SNAP91: variants seen among roughly 807,000 people sequenced by gnomAD.
SNAP91 encodes clathrin coat assembly protein AP180.
A neutral mutation model predicts 100.3 loss-of-function variants in SNAP91; 27 were observed. The observed-to-expected ratio is 0.27, with a 90% CI of 0.20 to 0.37. SNAP91 has a LOEUF of 0.37. Among genes scored for constraint, SNAP91 ranks in the 10% least tolerant of loss-of-function variants. The pLI, the probability that SNAP91 is intolerant of heterozygous loss-of-function variation, is 1.00. For missense variants in SNAP91, 986 were observed against 1,123.7 expected, an observed-to-expected ratio of 0.88 and a Z score of 1.75; for synonymous variants, 404 against 398.6, an observed-to-expected ratio of 1.01 and a Z score of -0.16.
At chr6:83,703,165 T>G (rs1192321040) in intron 2 of SNAP91, among the ~76,000 whole-genome samples, 1 of 151,802 alleles carries the variant, frequency 6.6e-6, no homozygotes, top group Admixed American at 6.6e-5. Flanking sequence ...TGTGTTTTTT[T>G]TTTTTTTTTA....
At position 83,607,812 on chromosome 6, in the gene SNAP91, A is replaced by C; in HGVS notation, c.913-4T>G. 4.5e-6 allele frequency: 7 copies of C among 1,556,218 alleles called. No individual in the cohort carries two copies. Among genetic ancestry groups the C allele is most frequent in the Non-Finnish European group, 6.1e-6 (7 of 1,142,928 alleles). On this transcript the variant is annotated splice_polypyrimidine_tract_variant and splice_region_variant and intron_variant, in intron 12 of 29. Coordinates refer to ENST00000369694, the MANE Select transcript of SNAP91 (RefSeq NM_001242792.2). ...TAACAGTTGTGGCTGGAGAAGACTGAAAGTGAAGATGCACAACACACTTGA... is the reference window on the plus strand; with the variant it reads ...TAACAGTTGTGGCTGGAGAAGACTGCAAGTGAAGATGCACAACACACTTGA...
At chr6:83,556,621 G>A (rs1779302561) in intron 28 of SNAP91, among the ~76,000 whole-genome samples, 1 of 152,058 alleles carries the variant, frequency 6.6e-6, no homozygotes, top group African/African-American at 2.4e-5. Context: ...TATGACTTAG[G>A]GAAGATGTGA....
At chr6:83,612,525 A>G (rs2096202419) in intron 11 of SNAP91, among the ~76,000 whole-genome samples, 1 of 152,176 alleles carries the variant, frequency 6.6e-6, no homozygotes, top group Non-Finnish European at 1.5e-5. Context: ...TTCTCTCTCA[A>G]GCAATTTTCA....
In SNAP91 at chr6:83,605,830, C is replaced by A. The variant is rs991113830; in HGVS notation, c.1023-27G>T. ...TGAAAGGAAAATAAAACATTAAAAT[C>A]AGATTTTGAAATTTTATAACATAAA... On this transcript the variant is annotated intron_variant, in intron 13 of 29. Transcript: ENST00000369694. 6.0e-6 allele frequency: 9 copies of A among 1,504,950 alleles called. No individual in the cohort carries two copies. The African/African-American group carries it at 1.1e-4, about 19-fold the overall frequency. 93.2% of individuals were successfully genotyped at this position (1,504,950 alleles called of 1,614,324 possible). A position where few individuals can be genotyped will look rare whatever the true frequency, so the allele number is the denominator to read the frequency against.
At chr6:83,658,964 A>C in intron 6 of SNAP91, 35 bp downstream of exon 6, 1 of 1,458,020 alleles carries the variant, frequency 6.9e-7, no homozygotes, top group Non-Finnish European at 9.4e-7. Flanking sequence ...GACAACATTG[A>C]TTGTGTATGA....
chr6:83,617,762 T>C (rs902630698), intron 9 of SNAP91, among the ~76,000 whole-genome samples: 9 of 151,890 alleles, frequency 5.9e-5, no homozygotes, highest in African/African-American at 1.9e-4. Flanking sequence ...CATTTCACTG[T>C]ATACTTAAGG....
rs115032348 is a variant in SNAP91 at position 83,669,154 on chromosome 6, T to A, written c.131-3573A>T. Among the ~76,000 whole-genome samples, 529 of 152,196 alleles carry A rather than the reference T, an allele frequency of 3.5e-3. 3 individuals are homozygous for A. Among genetic ancestry groups the A allele is most frequent in the African/African-American group, 0.012 (486 of 41,540 alleles). On this transcript the variant is annotated intron_variant, in intron 2 of 29. Transcript: ENST00000369694. ...TGAAAACTCAGAGGTCGAACCATCA[T>A]AGGTCATGGCCATCTGTATACCTAG...
intron 14 of SNAP91, among the ~76,000 whole-genome samples, chr6:83,605,005 C>A (rs1211568415): frequency 6.6e-6 from 1 of 152,102 alleles, no homozygotes; most frequent in East Asian, 1.9e-4. Flanking sequence ...AAAACCAACT[C>A]TTTGCAGCTT....
intron 24 of SNAP91, among the ~76,000 whole-genome samples, chr6:83,577,926 G>A (rs1054549030): frequency 6.6e-6 from 1 of 151,986 alleles, no homozygotes; most frequent in Admixed American, 6.6e-5. Context: ...CTGTCTGTAT[G>A]CATTTGTCTA....
At chr6:83,576,857 G>T (rs1281478313) in intron 24 of SNAP91, among the ~76,000 whole-genome samples, 1 of 152,122 alleles carries the variant, frequency 6.6e-6, no homozygotes, top group Admixed American at 6.6e-5. Flanking sequence ...TATTACTTCA[G>T]AAAATATTTT....
chr6:83,657,647 G>A (rs987267527), intron 6 of SNAP91, among the ~76,000 whole-genome samples: 1 of 152,084 alleles, frequency 6.6e-6, no homozygotes, highest in South Asian at 2.1e-4. Flanking sequence ...GAGATGCTAA[G>A]TTACTAAAAT....
At chr6:83,578,977 TC>T (rs1824012132) in intron 24 of SNAP91, among the ~76,000 whole-genome samples, 1 of 152,192 alleles carries the variant, frequency 6.6e-6, no homozygotes, top group African/African-American at 2.4e-5. Context: ...CCAATTTTTT[TC>T]TCCTGAAAAG....
chr6:83,675,950 C>T (rs910918607), intron 2 of SNAP91, among the ~76,000 whole-genome samples: 1 of 151,524 alleles, frequency 6.6e-6, no homozygotes, highest in African/African-American at 2.4e-5. Context: ...AGTTCGAGAC[C>T]AGACTGGGCA....
intron 8 of SNAP91, among the ~76,000 whole-genome samples, chr6:83,626,946 A>G (rs1021188482): frequency 5.9e-5 from 9 of 152,004 alleles, no homozygotes; most frequent in Non-Finnish European, 1.2e-4. Flanking sequence ...TCTTAAAGGG[A>G]ATGCTTCCAC....
chr6:83,587,116 C>G (rs536392362), intron 22 of SNAP91, among the ~76,000 whole-genome samples: 2 of 152,000 alleles, frequency 1.3e-5, no homozygotes, highest in African/African-American at 2.4e-5. Context: ...CAAAATGATA[C>G]CAATTTTTAA....
At chr6:83,698,293 A>G (rs145174401) in intron 2 of SNAP91, among the ~76,000 whole-genome samples, 1 of 151,314 alleles carries the variant, frequency 6.6e-6, no homozygotes, top group East Asian at 2.0e-4. Context: ...CATTTAGATG[A>G]ACTCACAAGA....
intron 5 of SNAP91, among the ~76,000 whole-genome samples, chr6:83,659,616 G>A (rs1424070086): frequency 1.3e-5 from 2 of 151,644 alleles, no homozygotes; most frequent in East Asian, 3.9e-4. Flanking sequence ...GTTTTGGTAG[G>A]GATGGGAGTC....
intron 2 of SNAP91, among the ~76,000 whole-genome samples, chr6:83,700,610 A>G (rs73486981): frequency 0.038 from 5,739 of 151,494 alleles, 152 homozygotes; most frequent in African/African-American, 0.074. Flanking sequence ...GAGATTTCAG[A>G]TAGTTTTTTG....
At chr6:83,702,143 GATAA>G (rs1368529398) in intron 2 of SNAP91, among the ~76,000 whole-genome samples, 1 of 152,058 alleles carries the variant, frequency 6.6e-6, no homozygotes, top group Non-Finnish European at 1.5e-5. Flanking sequence ...TGAAACTAAG[GATAA>G]ATGTTTTTAA....
Sources: gnomAD v4.1 joint callset for allele counts (sites outside exome capture counted in the v4.1 genomes callset) on GRCh38, gnomAD v4.1.1 for gene constraint, MANE v1.5 for transcripts, NCBI Gene and HGNC (gene_info 2026-07-23, HGNC 2026-07-21) for gene names.